CTIF: variants seen among roughly 807,000 people sequenced by gnomAD.
The protein encoded by CTIF is CBP80/20-dependent translation initiation factor.
A neutral mutation model predicts 66.0 loss-of-function variants in CTIF; 21 were observed. The ratio of observed to expected loss-of-function variants is 0.32; its 90% CI spans 0.23 to 0.46. The LOEUF is 0.46. Among genes scored for constraint, CTIF ranks in the 20% least tolerant of loss-of-function variants. CTIF has a pLI of 1.00. For missense variants in CTIF, 739 were observed against 812.7 expected (o/e 0.91, Z 1.10); for synonymous variants, 345 against 326.4 (o/e 1.06, Z -0.62).
chr18:48,804,463 C>T (rs776705396), intron 9 of CTIF, among the ~76,000 whole-genome samples: 15 of 152,208 alleles, frequency 9.9e-5, no homozygotes, highest in Non-Finnish European at 2.1e-4. Context: ...GCATGATGGC[C>T]AGCTGTGAGT....
intron 3 of CTIF, among the ~76,000 whole-genome samples, chr18:48,660,968 G>A (rs997089498): frequency 2.6e-5 from 4 of 152,176 alleles, no homozygotes; most frequent in Non-Finnish European, 5.9e-5. Flanking sequence ...TCCTAGGACG[G>A]TAAATCATTC....
rs182310334 is a variant in CTIF, at chr18:48,779,507, G to C, written c.1371+17818G>C. ...TCTGGAGGGGGTCAGTTATAAGGCT[G>C]AGGAGAGGTGACAGGGAAACGAGAT... On this transcript the variant is annotated intron_variant, in intron 9 of 11. Coordinates refer to ENST00000256413, the MANE Select transcript of CTIF (RefSeq NM_014772.3). Among the ~76,000 whole-genome samples, 10 of 152,352 alleles carry C rather than the reference G, an allele frequency of 6.6e-5. No homozygotes were observed. In the East Asian group the frequency reaches 1.7e-3, roughly 26 times the overall value.
At chr18:48,730,140 T>C (rs1204308769) in intron 7 of CTIF, among the ~76,000 whole-genome samples, 1 of 152,008 alleles carries the variant, frequency 6.6e-6, no homozygotes, top group Non-Finnish European at 1.5e-5. Context: ...ATTGGCCACA[T>C]TCAGGGCTAG....
Position 48,652,459 on chromosome 18 carries a change from C to A in CTIF, c.253-11293C>A, listed in dbSNP as rs1349776640. Among the ~76,000 whole-genome samples, 3 of 152,128 alleles carry A rather than the reference C, an allele frequency of 2.0e-5. No individual in the cohort carries two copies. In the South Asian group the frequency reaches 6.2e-4, roughly 32 times the overall value. On this transcript the variant is annotated intron_variant, in intron 3 of 11. Coordinates refer to ENST00000256413, the MANE Select transcript of CTIF (RefSeq NM_014772.3). ...GAAGAAGCTGAATCTCTGAATAGAC[C>A]AATAACAGGCTCTCAAATTGAGGCA... is the stretch of plus-strand genomic sequence containing the variant.
At chr18:48,741,277 C>CG (rs2092550770) in intron 7 of CTIF, among the ~76,000 whole-genome samples, 1 of 123,512 alleles carries the variant, frequency 8.1e-6, no homozygotes, top group Non-Finnish European at 1.7e-5. Context: ...TTACTCTGCC[C>CG]CCGCCCCCCC....
intron 9 of CTIF, among the ~76,000 whole-genome samples, chr18:48,766,948 T>C (rs1221052284): frequency 1.4e-5 from 1 of 70,420 alleles, no homozygotes; most frequent in Non-Finnish European, 3.5e-5. Context: ...TGGCCTGGGA[T>C]GTGTGTCGGA....
At position 48,859,563 on chromosome 18, in the gene CTIF, C is replaced by G. The variant is rs200357996; in HGVS notation, c.*4C>G. The stretch of plus-strand genomic sequence containing the variant: ...CATCCAGAAACTGACAGCCTGACAG[C>G]CAGGGGGCCTGGCAGGCGGCCCACG... On this transcript the variant is annotated 3_prime_UTR_variant, in exon 12 of 12. Transcript: ENST00000256413. 10 of 1,613,666 alleles carry G rather than the reference C, an allele frequency of 6.2e-6. No individual in the cohort carries two copies.
intron 9 of CTIF, among the ~76,000 whole-genome samples, chr18:48,816,852 GT>G (rs2068374303): frequency 6.6e-6 from 1 of 152,198 alleles, no homozygotes; most frequent in South Asian, 2.1e-4. Flanking sequence ...AAGGGAGACG[GT>G]TTAGCCACAG....
At chr18:48,784,093 T>C (rs1911494155) in intron 9 of CTIF, among the ~76,000 whole-genome samples, 1 of 151,176 alleles carries the variant, frequency 6.6e-6, no homozygotes, top group Admixed American at 6.6e-5. Flanking sequence ...GAAAAGGAGG[T>C]CCCCTCTCCT....
intron 1 of CTIF, among the ~76,000 whole-genome samples, chr18:48,604,394 G>A (rs1352468998): frequency 1.4e-5 from 2 of 147,800 alleles, no homozygotes; most frequent in African/African-American, 2.5e-5. Flanking sequence ...TAGCCAGGAT[G>A]GTCTCGATCT....
intron 7 of CTIF, among the ~76,000 whole-genome samples, chr18:48,745,630 C>T (rs1465420285): frequency 6.6e-6 from 1 of 152,240 alleles, no homozygotes; most frequent in African/African-American, 2.4e-5. Flanking sequence ...CTCTAAGCCT[C>T]AGGACCTCAG....
chr18:48,686,998 A>AG (rs1274639405), intron 6 of CTIF, among the ~76,000 whole-genome samples: 1 of 152,178 alleles, frequency 6.6e-6, no homozygotes. Context: ...GCAGGAGTTG[A>AG]ATTAAATGCA....
chr18:48,820,975 C>T (rs923250918), intron 10 of CTIF, among the ~76,000 whole-genome samples: 1 of 152,234 alleles, frequency 6.6e-6, no homozygotes, highest in East Asian at 1.9e-4. Context: ...CCAGGCGCCT[C>T]AGCCTGGAGG....
Position 48,839,977 on chromosome 18 carries a change from G to A in CTIF, c.1528-17611G>A, listed in dbSNP as rs77834124. On this transcript the variant is annotated intron_variant, in intron 10 of 11. Transcript: ENST00000256413. ...GGACTCAAGTGCCTGTGTGAGCAGT[G>A]TGAAGAAAAGCTAGTCTAGGTAGAT... 3.1e-3 allele frequency among the ~76,000 whole-genome samples: 478 copies of A among 152,272 alleles called. 1 individual carries two copies. The highest frequency in any genetic ancestry group is 5.7e-3 in the Non-Finnish European group (389 of 68,030).
At chr18:48,755,201 T>C (rs751115151) in intron 7 of CTIF, among the ~76,000 whole-genome samples, 30 of 152,344 alleles carry the variant, frequency 2.0e-4, no homozygotes, top group Middle Eastern at 3.4e-3. Context: ...AAGGTTCCTC[T>C]CTGGGCTTAA....
intron 7 of CTIF, among the ~76,000 whole-genome samples, chr18:48,745,551 C>A (rs184680820): frequency 6.6e-6 from 1 of 152,348 alleles, no homozygotes; most frequent in African/African-American, 2.4e-5. Context: ...CTAATTCCAT[C>A]ATTCCTTCTA....
chr18:48,596,603 G>A (rs1287429721), intron 1 of CTIF, among the ~76,000 whole-genome samples: 4 of 151,660 alleles, frequency 2.6e-5, no homozygotes, highest in African/African-American at 9.7e-5. Context: ...TCAGCCTCCC[G>A]AGTAGCTGGG....
chr18:48,825,045 C>T (rs2068555946), intron 10 of CTIF, among the ~76,000 whole-genome samples: 1 of 152,166 alleles, frequency 6.6e-6, no homozygotes, highest in Non-Finnish European at 1.5e-5. Context: ...CCATCCAATC[C>T]CCCCAGCTCA....
chr18:48,647,179 A>G (rs1466117343), intron 3 of CTIF, among the ~76,000 whole-genome samples: 1 of 152,200 alleles, frequency 6.6e-6, no homozygotes, highest in African/African-American at 2.4e-5. Context: ...ATGCTGAGTG[A>G]TTTTCAAAAA....
Sources: gnomAD v4.1 joint callset for allele counts (sites outside exome capture counted in the v4.1 genomes callset) on GRCh38, gnomAD v4.1.1 for gene constraint, MANE v1.5 for transcripts, NCBI Gene and HGNC (gene_info 2026-07-23, HGNC 2026-07-21) for gene names.